The following RGS3 variants were observed in gnomAD, a reference collection of about 807,000 sequenced individuals.
RGS3 encodes regulator of G-protein signalling 3.
A neutral mutation model predicts 132.6 loss-of-function variants in RGS3; 80 were observed. The ratio of observed to expected loss-of-function variants is 0.60; its 90% CI spans 0.50 to 0.73. The LOEUF is 0.73. Ranked by LOEUF, RGS3 falls within the 30% of genes least tolerant of loss-of-function variation. The probability of loss-of-function intolerance (pLI) is 0.00; values close to 1 mark genes in which losing one functional copy is unlikely to be tolerated. For synonymous variants in RGS3, 598 were observed against 620.6 expected, an observed-to-expected ratio of 0.96 and a Z score of 0.54; for missense variants, 1,382 against 1,530.8, an observed-to-expected ratio of 0.90 and a Z score of 1.62.
chr9:113,495,662 A>T lies in RGS3; in HGVS notation c.690-124A>T, dbSNP rs141349819. The T allele has an allele frequency of 3.2e-4, 252 of 782,274 alleles. No homozygotes were observed. In the African/African-American group the frequency reaches 3.9e-3, roughly 12 times the overall value. 48.5% of individuals were successfully genotyped at this position (782,274 alleles called of 1,614,324 possible). ...CACAGAGTCAGAAGGATCAAACGAG[A>T]TGATGTGGGTAAAAAGCTTTGTAAA... On this transcript the variant is annotated intron_variant, in intron 7 of 24. Coordinates refer to ENST00000350696, the Ensembl canonical transcript of RGS3.
intron 19 of RGS3, among the ~76,000 whole-genome samples, chr9:113,577,549 T>G (rs1252274531): frequency 6.6e-6 from 1 of 152,134 alleles, no homozygotes; most frequent in African/African-American, 2.4e-5. Context: ...TGCGGGGAGA[T>G]CACACATTCA....
rs1197556499 is a variant in RGS3, at chr9:113,579,274, A to C, written c.2038-4176A>C. On this transcript the variant is annotated intron_variant, in intron 19 of 24. Coordinates refer to ENST00000350696, the Ensembl canonical transcript of RGS3. The surrounding 1 kb of genome is among the most constrained non-coding windows in gnomAD (Gnocchi z 4.3). ...ACCCTCAACCCAACATCCGGTGGGC[A>C]TCTGGGGCCCAGGAGCCAAAGCTGG... Among the ~76,000 whole-genome samples, 1 of 152,208 alleles carries C rather than the reference A, an allele frequency of 6.6e-6. No homozygotes were observed. Among genetic ancestry groups the C allele is most frequent in the South Asian group, 2.1e-4 (1 of 4,824 alleles).
At chr9:113,530,238 G>A (rs1195434556) in intron 18 of RGS3, among the ~76,000 whole-genome samples, 1 of 152,242 alleles carries the variant, frequency 6.6e-6, no homozygotes, top group Non-Finnish European at 1.5e-5. Flanking sequence ...TGGCTAAGAA[G>A]TGCAAGGCCT....
chr9:113,499,226 C>G (rs1363749723), intron 10 of RGS3, among the ~76,000 whole-genome samples: 4 of 60,682 alleles, frequency 6.6e-5, no homozygotes, highest in African/African-American at 2.5e-4. Context: ...GATTCCATCT[C>G]AAAAAAAAAA....
chr9:113,461,686 C>T, intron 1 of RGS3: 1 of 1,606,560 alleles, frequency 6.2e-7, no homozygotes, highest in Non-Finnish European at 8.5e-7. Flanking sequence ...CCAGTGTGGG[C>T]CTCGGTCTTT....
intron 20 of RGS3, among the ~76,000 whole-genome samples, chr9:113,590,348 T>TCCAC (rs1306706284): frequency 1.4e-5 from 2 of 147,140 alleles, no homozygotes; most frequent in Non-Finnish European, 3.0e-5. Flanking sequence ...CCTTCATCCA[T>TCCAC]CCACCCACCC....
intron 19 of RGS3, among the ~76,000 whole-genome samples, chr9:113,560,918 G>A (rs1156641166): frequency 6.6e-6 from 1 of 152,206 alleles, no homozygotes; most frequent in Non-Finnish European, 1.5e-5. Context: ...GGTATCTGGG[G>A]ATGATGAAAG....
chr9:113,457,132 G>A (rs996894973), upstream of RGS3, among the ~76,000 whole-genome samples: 1 of 152,104 alleles, frequency 6.6e-6, no homozygotes, highest in Non-Finnish European at 1.5e-5. Flanking sequence ...TTACTTTCTT[G>A]CATATTACTG....
chr9:113,479,610 G>T (rs913080679), intron 4 of RGS3, 69 bp downstream of exon 2: 1 of 1,448,468 alleles, frequency 6.9e-7, no homozygotes, highest in South Asian at 1.1e-5. Flanking sequence ...TGGGGCTGGG[G>T]TTGGGGGATG....
chr9:113,494,000 G>C lies in RGS3; in HGVS notation c.690-1786G>C, dbSNP rs544815114. Reference sequence around the variant, plus strand: ...ATCTCTCAGCTATGTGGGTCCTTCAGCTATTGAAGCCAGCCTCCAGGGTTA... The same window carrying C: ...ATCTCTCAGCTATGTGGGTCCTTCACCTATTGAAGCCAGCCTCCAGGGTTA... On this transcript the variant is annotated intron_variant, in intron 7 of 24. Transcript: ENST00000350696. Among the ~76,000 whole-genome samples, 4 of 152,200 alleles carry C rather than the reference G, an allele frequency of 2.6e-5. No individual in the cohort carries two copies. The South Asian group carries it at 8.3e-4, about 32-fold the overall frequency.
At chr9:113,592,145 T>G (rs1753773993) in intron 21 of RGS3, 1 of 152,346 alleles carries the variant, frequency 6.6e-6, no homozygotes, top group Admixed American at 6.5e-5. Flanking sequence ...TCTCTGGCCT[T>G]GACCGTGGGT....
chr9:113,569,637 C>A (rs7872192), intron 19 of RGS3, among the ~76,000 whole-genome samples: 12,018 of 149,926 alleles, frequency 0.08, 551 homozygotes, highest in Non-Finnish European at 0.094. Context: ...TTCCTTCCTT[C>A]CTTCCCTCCT....
chr9:113,522,923 A>T lies in RGS3; in HGVS notation c.1759-7A>T, dbSNP rs1241174032. ...TAGCCAGTTCTGTTTGCTCTCTGTC[A>T]ACCCAGGTGACACTGTTTGCCTATT... On this transcript the variant is annotated splice_polypyrimidine_tract_variant and splice_region_variant and intron_variant, in intron 16 of 24. Transcript: ENST00000350696. 13 of 1,599,744 alleles carry T rather than the reference A, an allele frequency of 8.1e-6. No homozygotes were observed. Among genetic ancestry groups the T allele is most frequent in the Non-Finnish European group, 9.4e-6 (11 of 1,166,872 alleles).
chr9:113,507,022 G>A lies in RGS3; in HGVS notation c.1086-265G>A, dbSNP rs1353228278. Among the ~76,000 whole-genome samples, 3 of 152,182 alleles carry A rather than the reference G, an allele frequency of 2.0e-5. No individual in the cohort carries two copies. Among genetic ancestry groups the A allele is most frequent in the Non-Finnish European group, 2.9e-5 (2 of 68,036 alleles). ...GCTTTTGATAAGCATCATGGATTGA[G>A]TATGGAACTCTTTCCTGTTGAAACT... On this transcript the variant is annotated intron_variant, in intron 12 of 24. Transcript: ENST00000350696. The surrounding 1 kb of genome is among the most constrained non-coding windows in gnomAD (Gnocchi z 5.0).
intron 10 of RGS3, among the ~76,000 whole-genome samples, chr9:113,504,233 G>T (rs1284979447): frequency 6.6e-6 from 1 of 152,176 alleles, no homozygotes; most frequent in Non-Finnish European, 1.5e-5. Context: ...TCCTGACAAG[G>T]CTTGTGCCCT....
intron 19 of RGS3, chr9:113,541,757 C>T: frequency 9.7e-7 from 1 of 1,027,340 alleles, no homozygotes; most frequent in African/African-American, 1.7e-5. Context: ...TTGGGGGCAG[C>T]AGGAGAGGTT....
At chr9:113,523,651 C>T (rs1200553136) in intron 17 of RGS3, among the ~76,000 whole-genome samples, 1 of 152,006 alleles carries the variant, frequency 6.6e-6, no homozygotes, top group African/African-American at 2.4e-5. Flanking sequence ...TCCACCACGC[C>T]CTCCACTCGT....
intron 19 of RGS3, among the ~76,000 whole-genome samples, chr9:113,538,811 C>T (rs1832787237): frequency 6.6e-6 from 1 of 152,162 alleles, no homozygotes; most frequent in Admixed American, 6.5e-5. Context: ...AGGAGGGGGC[C>T]CAAGTGCTGG....
At chr9:113,456,501 C>T (rs1198180352), upstream of RGS3, among the ~76,000 whole-genome samples, 1 of 152,210 alleles carries the variant, frequency 6.6e-6, no homozygotes, top group African/African-American at 2.4e-5. Flanking sequence ...ATCACCATGG[C>T]CTGTTGATTC....
Sources: gnomAD v4.1 joint callset for allele counts (sites outside exome capture counted in the v4.1 genomes callset) on GRCh38, gnomAD v4.1.1 for gene constraint, Gnocchi (gnomAD v3.1) non-coding constraint, MANE v1.5 for transcripts, NCBI Gene and HGNC (gene_info 2026-07-23, HGNC 2026-07-21) for gene names.